The following KATNIP variants were observed in gnomAD, a reference collection of about 807,000 sequenced individuals.
KATNIP encodes katanin-interacting protein.
KATNIP carries 126 observed loss-of-function variants against 174.0 expected under a neutral mutation model. That is an observed-to-expected ratio of 0.72 (90% CI 0.63 to 0.84). The LOEUF (loss-of-function observed/expected upper bound fraction) is 0.84. KATNIP is among the 40% of genes least tolerant of loss of function. The pLI is 0.00. For missense variants in KATNIP, 1,958 were observed against 2,109.7 expected (o/e 0.93, Z 1.41); for synonymous variants, 810 against 835.7 (o/e 0.97, Z 0.53).
At chr16:27,609,223 C>G (rs547431736) in intron 2 of KATNIP, among the ~76,000 whole-genome samples, 49 of 151,992 alleles carry the variant, frequency 3.2e-4, no homozygotes, top group African/African-American at 1.1e-3. Context: ...CAAGGACACC[C>G]CAATAAATAA....
intron 1 of KATNIP, among the ~76,000 whole-genome samples, chr16:27,559,904 C>T (rs2089791179): frequency 6.6e-6 from 1 of 151,904 alleles, no homozygotes; most frequent in Admixed American, 6.6e-5. Flanking sequence ...TCATTTGAAT[C>T]CAGGAGGCAA....
At position 27,712,966 on chromosome 16, in the gene KATNIP, T is replaced by A. The variant is rs557468665; in HGVS notation, c.1605+4046T>A. 1.1e-3 allele frequency among the ~76,000 whole-genome samples: 168 copies of A among 151,930 alleles called. 2 individuals carry two copies. The highest frequency in any genetic ancestry group is 3.9e-3 in the African/African-American group (163 of 41,442). ...AACTACAGGCACACACTACCACACT[T>A]GGTTAATTTGTTTTTATTTTTTGTA... On this transcript the variant is annotated intron_variant, in intron 13 of 27. Coordinates refer to ENST00000261588, the MANE Select transcript of KATNIP (RefSeq NM_015202.5).
intron 8 of KATNIP, among the ~76,000 whole-genome samples, chr16:27,683,627 A>G (rs1375421157): frequency 2.6e-5 from 4 of 152,208 alleles, no homozygotes; most frequent in Non-Finnish European, 5.9e-5. Flanking sequence ...AACATGAAAG[A>G]TGTCAGAAAA....
Position 27,777,718 on chromosome 16 carries a change from C to A in KATNIP, c.4660C>A (p.Leu1554Ile). 6.2e-7 allele frequency: 1 copy of A among 1,614,152 alleles called. No homozygotes were observed. The highest frequency in any genetic ancestry group is 8.5e-7 in the Non-Finnish European group (1 of 1,180,020). Residue 1554 changes from leucine (L) to isoleucine (I), a missense_variant, in exon 26 of 28, where the codon CTC (leucine) becomes ATC (isoleucine). Physicochemically the swap from Leu to Ile is conservative, Grantham distance 5 (BLOSUM62 2). Coordinates refer to ENST00000261588, the MANE Select transcript of KATNIP (RefSeq NM_015202.5). This position sits in a 1 kb window ranked among gnomAD's most constrained non-coding sequence, Gnocchi z 4.4. Reference protein sequence around the residue: ...CEPTVPYHTILFTEDRDIRHQ... With the variant: ...CEPTVPYHTIIFTEDRDIRHQ... ...GCCCACCGTGCCCTACCACACCATC[C>A]TCTTCACCGAGGACAGGGACATCCG... is the stretch of plus-strand genomic sequence containing the variant.
At chr16:27,628,215 C>A (rs2076387169) in intron 3 of KATNIP, among the ~76,000 whole-genome samples, 1 of 152,236 alleles carries the variant, frequency 6.6e-6, no homozygotes, top group Non-Finnish European at 1.5e-5. Context: ...GGTATGAAAT[C>A]TCTCTCACAA....
intron 8 of KATNIP, among the ~76,000 whole-genome samples, chr16:27,683,434 C>A (rs1459678148): frequency 6.6e-6 from 1 of 152,122 alleles, no homozygotes; most frequent in African/African-American, 2.4e-5. Flanking sequence ...CAAACTGGTT[C>A]CTGGGGACTT....
At chr16:27,711,875 T>C (rs2079590469) in intron 13 of KATNIP, among the ~76,000 whole-genome samples, 1 of 152,148 alleles carries the variant, frequency 6.6e-6, no homozygotes, top group South Asian at 2.1e-4. Flanking sequence ...CCCTGAGCTG[T>C]GGATGATGGC....
At chr16:27,705,632 T>C (rs1193865207) in intron 12 of KATNIP, among the ~76,000 whole-genome samples, 1 of 152,006 alleles carries the variant, frequency 6.6e-6, no homozygotes, top group African/African-American at 2.4e-5. Flanking sequence ...ATCAAAGCTG[T>C]GCTCCCCACT....
At chr16:27,633,955 G>A (rs2076564522) in intron 5 of KATNIP, among the ~76,000 whole-genome samples, 1 of 152,184 alleles carries the variant, frequency 6.6e-6, no homozygotes, top group African/African-American at 2.4e-5. Context: ...AGCAAGGCCT[G>A]GAGGACACAC....
rs887167639 is a variant in KATNIP, at chr16:27,563,892, A to T, written c.8-10009A>T. 1.5e-3 allele frequency among the ~76,000 whole-genome samples: 14 copies of T among 9,134 alleles called. No homozygotes were observed. The East Asian group carries it at 0.018, about 12-fold the overall frequency. The allele number at this position is 9,134 out of a possible 152,430, so 6.0% of individuals were successfully genotyped here. A position where few individuals can be genotyped will look rare whatever the true frequency, so the allele number is the denominator to read the frequency against. ...AGTGAGACCTCATCTCTAGTAAATT[A>T]AAAAAAAAAAAAAAAAAAAAAAAAA... On this transcript the variant is annotated intron_variant, in intron 1 of 27. Coordinates refer to ENST00000261588, the MANE Select transcript of KATNIP (RefSeq NM_015202.5).
chr16:27,578,922 G>A (rs1038107972), intron 2 of KATNIP, among the ~76,000 whole-genome samples: 1 of 152,166 alleles, frequency 6.6e-6, no homozygotes, highest in African/African-American at 2.4e-5. Flanking sequence ...TGGTTGGCTT[G>A]AAGTCAGTAG....
chr16:27,730,501 C>A (rs1201687634), intron 14 of KATNIP, among the ~76,000 whole-genome samples: 3 of 152,136 alleles, frequency 2.0e-5, no homozygotes, highest in Admixed American at 1.3e-4. Context: ...CAAAATCTGG[C>A]TCTCTGGCTC....
intron 13 of KATNIP, chr16:27,718,393 G>C (rs2080054961): frequency 6.6e-6 from 1 of 152,252 alleles, no homozygotes; most frequent in South Asian, 2.1e-4. Flanking sequence ...GCACCGAGGG[G>C]TTTTCCCAGC....
At position 27,742,613 on chromosome 16, in the gene KATNIP, A is replaced by G. The variant is rs191573282; in HGVS notation, c.2623+1693A>G. On this transcript the variant is annotated intron_variant, in intron 15 of 27. Transcript: ENST00000261588. ...ACCCACACCTCAGGCAGGTTCTGAA[A>G]CCCTGCTGAGCCTGTTTCCTCCTCT... Among the ~76,000 whole-genome samples the G allele has an allele frequency of 1.1e-3, 169 of 152,244 alleles. 2 individuals carry two copies. The highest frequency in any genetic ancestry group is 3.9e-3 in the African/African-American group (164 of 41,554).
At chr16:27,604,030 C>T (rs946552297) in intron 2 of KATNIP, among the ~76,000 whole-genome samples, 2 of 152,162 alleles carry the variant, frequency 1.3e-5, no homozygotes, top group African/African-American at 4.8e-5. Flanking sequence ...AGCCACTGTG[C>T]CTGGCCGCCC....
At chr16:27,636,948 G>T (rs1338644192) in intron 5 of KATNIP, among the ~76,000 whole-genome samples, 3 of 152,246 alleles carry the variant, frequency 2.0e-5, no homozygotes, top group African/African-American at 7.2e-5. Context: ...TAAGAGCATA[G>T]ACCCTGGAAC....
intron 18 of KATNIP, among the ~76,000 whole-genome samples, chr16:27,759,579 G>T (rs1597393544): frequency 6.6e-6 from 1 of 152,244 alleles, no homozygotes; most frequent in East Asian, 1.9e-4. Flanking sequence ...TTCCTGATCA[G>T]CAGGGAGGTG....
rs1567442522 is a variant in KATNIP at position 27,778,617 on chromosome 16, A to G, written c.4845A>G (p.Arg1615=). 2 of 1,613,754 alleles carry G rather than the reference A, an allele frequency of 1.2e-6. No individual in the cohort carries two copies. Among genetic ancestry groups the G allele is most frequent in the African/African-American group, 1.3e-5 (1 of 75,054 alleles). ...GCATCAGCGAGAAGGAGACGAGACG[A>G]CGGCGCTGCTGACTGGTGAAGGAGG... The part of the protein sequence containing the change: ...KTCISEKETR[R]RRC The change falls in exon 28 of 28, where the codon CGA becomes CGG. Residue 1615 remains arginine, a synonymous_variant. Coordinates refer to ENST00000261588, the MANE Select transcript of KATNIP (RefSeq NM_015202.5).
At chr16:27,692,105 T>C (rs932594168) in intron 8 of KATNIP, among the ~76,000 whole-genome samples, 6 of 152,220 alleles carry the variant, frequency 3.9e-5, no homozygotes, top group African/African-American at 1.2e-4. Flanking sequence ...AAGTGCTTCA[T>C]GCGGGAAATG....
Sources: allele counts gnomAD v4.1 joint callset (sites outside exome capture counted in the v4.1 genomes callset), GRCh38; gene constraint gnomAD v4.1.1; non-coding constraint Gnocchi (gnomAD v3.1); transcripts MANE v1.5; gene names NCBI Gene and HGNC (gene_info 2026-07-23, HGNC 2026-07-21).